TBC1D22B: variants seen among roughly 807,000 people sequenced by gnomAD.
TBC1D22B encodes TBC1 domain family member 22B.
A neutral mutation model predicts 69.1 loss-of-function variants in TBC1D22B; 32 were observed. The observed-to-expected ratio is 0.46, with a 90% CI of 0.35 to 0.62. The LOEUF is 0.62. TBC1D22B is among the 20% of genes least tolerant of loss of function. The probability of loss-of-function intolerance (pLI) is 0.00; values close to 1 mark genes in which losing one functional copy is unlikely to be tolerated. For synonymous variants in TBC1D22B, 206 were observed against 229.8 expected, an observed-to-expected ratio of 0.90 and a Z score of 0.94; for missense variants, 462 against 630.9, an observed-to-expected ratio of 0.73 and a Z score of 2.87.
rs1029649295 is a variant in TBC1D22B, at chr6:37,331,875, A to G, written c.*703A>G. On this transcript the variant is annotated 3_prime_UTR_variant, in exon 13 of 13. Coordinates refer to ENST00000373491, the MANE Select transcript of TBC1D22B (RefSeq NM_017772.4). The stretch of plus-strand genomic sequence containing the variant: ...ACGAGCCCCATCAAACTAGTTGGGA[A>G]GGGCCCCAGTGACCAAGTGTATAAG... 9 of 152,628 alleles carry G rather than the reference A, an allele frequency of 5.9e-5. No individual in the cohort carries two copies. The highest frequency in any genetic ancestry group is 2.2e-4 in the African/African-American group (9 of 41,450). The allele number at this position is 152,628 out of a possible 1,614,324, so 9.5% of individuals were successfully genotyped here. A position where few individuals can be genotyped will look rare whatever the true frequency, so the allele number is the denominator to read the frequency against.
chr6:37,267,055 G>A (rs1026208350), intron 1 of TBC1D22B, among the ~76,000 whole-genome samples: 3 of 145,508 alleles, frequency 2.1e-5, no homozygotes, highest in Admixed American at 1.4e-4. Context: ...TCTCACCTCA[G>A]CCTCCCAAGT....
intron 8 of TBC1D22B, among the ~76,000 whole-genome samples, chr6:37,293,203 G>A (rs1380630721): frequency 6.6e-5 from 10 of 151,414 alleles, no homozygotes; most frequent in Non-Finnish European, 7.4e-5. Context: ...TCAGCCTCCC[G>A]AGTAGCTGGG....
chr6:37,317,905 G>T (rs1046651087), intron 12 of TBC1D22B, among the ~76,000 whole-genome samples: 1 of 152,178 alleles, frequency 6.6e-6, no homozygotes, highest in African/African-American at 2.4e-5. Flanking sequence ...ACGGTCACTG[G>T]TGTGGCCTGG....
At chr6:37,295,736 C>A in intron 8 of TBC1D22B, 1 of 313,378 alleles carries the variant, frequency 3.2e-6, no homozygotes, top group South Asian at 3.4e-5. Context: ...CTTCCCCAGC[C>A]AAAGTTCCAC....
intron 8 of TBC1D22B, among the ~76,000 whole-genome samples, chr6:37,295,366 A>AAGGCCTCCC (rs1371870575): frequency 1.3e-5 from 2 of 152,168 alleles, no homozygotes; most frequent in African/African-American, 4.8e-5. Context: ...TTGGCCTCCC[A>AAGGCCTCCC]AAGTCCTGAG....
rs116328988 is a variant in TBC1D22B, at chr6:37,285,031, G to T, written c.801+567G>T. On this transcript the variant is annotated intron_variant, in intron 6 of 12. Transcript: ENST00000373491. ...GGAGTCTTCTGTCATTGCCCATAAT[G>T]GTCCTCATGGTCTGCGGAAAGGTCT... Among the ~76,000 whole-genome samples the T allele has an allele frequency of 8.9e-3, 1,358 of 152,272 alleles. 24 individuals carry two copies. The highest frequency in any genetic ancestry group is 0.029 in the African/African-American group (1,221 of 41,544).
intron 8 of TBC1D22B, among the ~76,000 whole-genome samples, chr6:37,306,101 T>C (rs1310616806): frequency 6.6e-6 from 1 of 152,176 alleles, no homozygotes; most frequent in Non-Finnish European, 1.5e-5. Flanking sequence ...GAAGACAGTG[T>C]GTGCGTTTGG....
intron 6 of TBC1D22B, among the ~76,000 whole-genome samples, chr6:37,285,315 CTTTTTTTTTTT>C (rs756459599): frequency 2.9e-4 from 21 of 73,562 alleles, no homozygotes; most frequent in African/African-American, 1.1e-3. Flanking sequence ...TCCTTCCCCA[CTTTTTTTTTTT>C]TTTTTTTTTT....
At chr6:37,319,382 G>C (rs1315202380) in intron 12 of TBC1D22B, among the ~76,000 whole-genome samples, 3 of 152,240 alleles carry the variant, frequency 2.0e-5, no homozygotes, top group Non-Finnish European at 4.4e-5. Context: ...CATGAGCCAG[G>C]CTCAGAGCTT....
intron 12 of TBC1D22B, among the ~76,000 whole-genome samples, chr6:37,328,502 C>T (rs1011048473): frequency 6.6e-6 from 1 of 152,012 alleles, no homozygotes; most frequent in Non-Finnish European, 1.5e-5. Context: ...TCTGGTACAT[C>T]TTACATCATG....
chr6:37,320,427 G>A (rs1175193244), intron 12 of TBC1D22B, among the ~76,000 whole-genome samples: 1 of 151,988 alleles, frequency 6.6e-6, no homozygotes, highest in Non-Finnish European at 1.5e-5. Flanking sequence ...GAGACAGTTA[G>A]AATAGTGTAC....
At chr6:37,324,221 T>C (rs936884748) in intron 12 of TBC1D22B, 1 of 444,750 alleles carries the variant, frequency 2.2e-6, no homozygotes, top group African/African-American at 2.0e-5. Flanking sequence ...TAATGTTCTT[T>C]TGTTGCTCAT....
At chr6:37,288,500 C>G (rs748510144) in intron 7 of TBC1D22B, among the ~76,000 whole-genome samples, 1 of 152,136 alleles carries the variant, frequency 6.6e-6, no homozygotes, top group Non-Finnish European at 1.5e-5. Flanking sequence ...TTGCTTGAGC[C>G]CACGAGTTTG....
intron 3 of TBC1D22B, 103 bp from the exon 4 acceptor site, chr6:37,282,082 C>G (rs540019229): frequency 5.1e-6 from 7 of 1,361,860 alleles, no homozygotes; most frequent in Non-Finnish European, 7.3e-6. Flanking sequence ...CAGGCAGCCA[C>G]ACCCTTGGGG....
At chr6:37,330,523 A>C (rs1028565978) in intron 12 of TBC1D22B, among the ~76,000 whole-genome samples, 1 of 152,020 alleles carries the variant, frequency 6.6e-6, no homozygotes, top group Admixed American at 6.6e-5. Context: ...GGCGTGAGCC[A>C]CCGCGCCTGG....
intron 1 of TBC1D22B, among the ~76,000 whole-genome samples, chr6:37,264,650 A>G (rs1766215302): frequency 6.6e-6 from 1 of 152,202 alleles, no homozygotes; most frequent in African/African-American, 2.4e-5. Flanking sequence ...AAAAAGTAAT[A>G]TAAGCCCTAA....
At position 37,313,878 on chromosome 6, in the gene TBC1D22B, C is replaced by T. The variant is rs1338293891; in HGVS notation, c.1152C>T (p.Val384=). 3.7e-6 allele frequency: 6 copies of T among 1,614,008 alleles called. No individual in the cohort carries two copies. The highest frequency in any genetic ancestry group is 5.1e-6 in the Non-Finnish European group (6 of 1,180,002). Residue 384 remains valine (V), a synonymous_variant, in exon 10 of 13, where the codon GTC becomes GTT. Coordinates refer to ENST00000373491, the MANE Select transcript of TBC1D22B (RefSeq NM_017772.4). ...AGGTGAAGGCACTGGAAGAGCTTGT[C>T]AGCCGGATTGATGGTAGGTTCAGAG... ...QKKVKALEEL[V]SRIDEQVHNH...
chr6:37,279,805 C>T (rs1766771236), intron 3 of TBC1D22B, among the ~76,000 whole-genome samples, 194 bp downstream of exon 3: 1 of 152,224 alleles, frequency 6.6e-6, no homozygotes, highest in Non-Finnish European at 1.5e-5. Flanking sequence ...GGTGGCTGCC[C>T]AGTCTGGTGA....
chr6:37,294,861 C>T (rs1309761761), intron 8 of TBC1D22B, among the ~76,000 whole-genome samples: 1 of 152,142 alleles, frequency 6.6e-6, no homozygotes, highest in African/African-American at 2.4e-5. Context: ...GCCAACACAG[C>T]GTCTGTTCTG....
Sources: allele counts gnomAD v4.1 joint callset (sites outside exome capture counted in the v4.1 genomes callset), GRCh38; gene constraint gnomAD v4.1.1; transcripts MANE v1.5; gene names NCBI Gene and HGNC (gene_info 2026-07-23, HGNC 2026-07-21).